The following NELL1 variants were observed in gnomAD, a reference collection of about 807,000 sequenced individuals.
The protein encoded by NELL1 is protein kinase C-binding protein NELL1.
Under a neutral mutation model 107.4 loss-of-function variants are expected in NELL1, and 76 were observed. The ratio of observed to expected loss-of-function variants is 0.71; its 90% CI spans 0.59 to 0.86. The LOEUF (loss-of-function observed/expected upper bound fraction) is 0.86. Ranked by LOEUF, NELL1 falls within the 40% of genes least tolerant of loss-of-function variation. The pLI is 0.00. For missense variants in NELL1, 1,024 were observed against 1,005.5 expected (o/e 1.02, Z -0.25); for synonymous variants, 353 against 341.2 (o/e 1.03, Z -0.38).
intron 2 of NELL1, among the ~76,000 whole-genome samples, chr11:20,760,191 C>G (rs563156347): frequency 6.6e-6 from 1 of 152,184 alleles, no homozygotes; most frequent in African/African-American, 2.4e-5. Context: ...ACCATGCCCT[C>G]TTAGGCAAAT....
At chr11:21,303,192 G>A (rs1357762926) in intron 14 of NELL1, among the ~76,000 whole-genome samples, 4 of 151,888 alleles carry the variant, frequency 2.6e-5, no homozygotes, top group African/African-American at 9.7e-5. Flanking sequence ...TGTAAGACAT[G>A]GGCCGTTCCC....
intron 3 of NELL1, among the ~76,000 whole-genome samples, chr11:20,792,641 T>C (rs1017409130): frequency 6.6e-6 from 1 of 152,004 alleles, no homozygotes; most frequent in Non-Finnish European, 1.5e-5. Context: ...CCCTTTTATC[T>C]ATTAACATAA....
intron 12 of NELL1, among the ~76,000 whole-genome samples, chr11:21,057,591 A>G (rs924533560): frequency 6.6e-6 from 1 of 152,030 alleles, no homozygotes; most frequent in Non-Finnish European, 1.5e-5. Context: ...CTATATCCAT[A>G]CAATTAAAAA....
At chr11:21,253,330 T>C (rs973933996) in intron 14 of NELL1, among the ~76,000 whole-genome samples, 42 of 152,280 alleles carry the variant, frequency 2.8e-4, no homozygotes, top group African/African-American at 8.7e-4. Flanking sequence ...TATATACTAA[T>C]ACTGTAGTGA....
chr11:21,511,481 G>A (rs1394139197), intron 15 of NELL1, among the ~76,000 whole-genome samples: 1 of 152,116 alleles, frequency 6.6e-6, no homozygotes, highest in Non-Finnish European at 1.5e-5. Flanking sequence ...CTGGCCTCCT[G>A]GGTTTACAGT....
At chr11:21,194,378 A>ACCGT (rs1334408065) in intron 13 of NELL1, among the ~76,000 whole-genome samples, 1 of 152,124 alleles carries the variant, frequency 6.6e-6, no homozygotes, top group Non-Finnish European at 1.5e-5. Context: ...AGAAAGGAGG[A>ACCGT]CCGGGTTGCT....
At chr11:21,372,438 G>T (rs1049419984) in intron 15 of NELL1, among the ~76,000 whole-genome samples, 1 of 151,926 alleles carries the variant, frequency 6.6e-6, no homozygotes, top group Non-Finnish European at 1.5e-5. Flanking sequence ...TGCAATAATT[G>T]TTAGGATTTT....
At chr11:20,969,317 A>T (rs894272797) in intron 12 of NELL1, among the ~76,000 whole-genome samples, 36 of 152,304 alleles carry the variant, frequency 2.4e-4, no homozygotes, top group African/African-American at 8.7e-4. Context: ...CCTGTGCTGC[A>T]GTTCTGAGTT....
chr11:20,843,571 AT>A (rs1215462161), intron 3 of NELL1, among the ~76,000 whole-genome samples: 1 of 146,746 alleles, frequency 6.8e-6, no homozygotes, highest in African/African-American at 2.5e-5. Context: ...TATATATAAA[AT>A]ATAATATATT....
intron 2 of NELL1, among the ~76,000 whole-genome samples, chr11:20,757,530 G>A (rs1187116239): frequency 1.3e-5 from 2 of 152,174 alleles, no homozygotes; most frequent in East Asian, 1.9e-4. Context: ...ACATACCAGA[G>A]CATCTGTTTC....
At chr11:20,955,933 A>G (rs1336959428) in intron 11 of NELL1, among the ~76,000 whole-genome samples, 1 of 152,200 alleles carries the variant, frequency 6.6e-6, no homozygotes, top group East Asian at 1.9e-4. Flanking sequence ...TAACATGATC[A>G]GTATGGGCCA....
intron 12 of NELL1, among the ~76,000 whole-genome samples, chr11:21,033,232 A>G (rs1853005635): frequency 6.6e-6 from 1 of 152,160 alleles, no homozygotes; most frequent in Non-Finnish European, 1.5e-5. Flanking sequence ...AATTTCTTGA[A>G]TTTGAAGATT....
intron 3 of NELL1, among the ~76,000 whole-genome samples, chr11:20,837,122 G>A (rs190664172): frequency 1.1e-4 from 17 of 152,228 alleles, no homozygotes; most frequent in Non-Finnish European, 2.4e-4. Context: ...GACTAAAGGC[G>A]GAAGGAACTG....
chr11:20,751,262 T>A (rs1856132158), intron 2 of NELL1, among the ~76,000 whole-genome samples: 1 of 152,138 alleles, frequency 6.6e-6, no homozygotes, highest in African/African-American at 2.4e-5. Context: ...CTTTAAAAAA[T>A]TTTGCTGGTA....
At chr11:20,982,433 C>T (rs1302564504) in intron 12 of NELL1, among the ~76,000 whole-genome samples, 2 of 152,164 alleles carry the variant, frequency 1.3e-5, no homozygotes, top group Non-Finnish European at 2.9e-5. Context: ...GGAGCAAACA[C>T]TGAACTGAGA....
Position 21,149,775 on chromosome 11 carries a change from G to A in NELL1, c.1426+36061G>A, listed in dbSNP as rs368627837. 2.0e-5 allele frequency among the ~76,000 whole-genome samples: 3 copies of A among 152,284 alleles called. No homozygotes were observed. In the East Asian group the frequency reaches 5.8e-4, roughly 29 times the overall value. On this transcript the variant is annotated intron_variant, in intron 13 of 19. Transcript: ENST00000357134. ...TGCACAGAATTTCCGTTCTCATGGAGCTTATATTCTAGGTAGTGAAAAGAG... is the reference window on the plus strand; with the variant it reads ...TGCACAGAATTTCCGTTCTCATGGAACTTATATTCTAGGTAGTGAAAAGAG...
At chr11:20,893,580 C>T (rs1270678699) in intron 5 of NELL1, among the ~76,000 whole-genome samples, 1 of 151,298 alleles carries the variant, frequency 6.6e-6, no homozygotes, top group East Asian at 1.9e-4. Flanking sequence ...TAATAGAAAT[C>T]ATGTTTAACT....
In NELL1 at chr11:20,787,019, A is replaced by AAAAAAG. The variant is rs1304581581; in HGVS notation, c.335+3194_335+3195insGAAAAA. Among the ~76,000 whole-genome samples the AAAAAAG allele has an allele frequency of 8.1e-3, 1,212 of 149,240 alleles. 39 individuals are homozygous for AAAAAAG. The highest frequency in any genetic ancestry group is 0.029 in the African/African-American group (1,167 of 40,024). On this transcript the variant is annotated intron_variant, in intron 3 of 19. Transcript: ENST00000357134. Reference sequence around the variant, plus strand: ...CGAGACTCCGTCTCAAAAAAAAAAAAAAAAAAAAAAAAGGAAGGAAGGAAA... The same window carrying AAAAAAG: ...CGAGACTCCGTCTCAAAAAAAAAAAAAAAAAGAAAAAAAAAAAAGGAAGGAAGGAAA...
At chr11:20,985,817 T>C (rs1231198003) in intron 12 of NELL1, among the ~76,000 whole-genome samples, 2 of 152,222 alleles carry the variant, frequency 1.3e-5, no homozygotes, top group Non-Finnish European at 2.9e-5. Context: ...GTACTTTTTT[T>C]ATGGAGCAGA....
Sources: gnomAD v4.1 joint callset for allele counts (sites outside exome capture counted in the v4.1 genomes callset) on GRCh38, gnomAD v4.1.1 for gene constraint, MANE v1.5 for transcripts, NCBI Gene and HGNC (gene_info 2026-07-23, HGNC 2026-07-21) for gene names.